AP3B1: variants seen among roughly 807,000 people sequenced by gnomAD.
AP3B1 encodes the protein AP-3 complex subunit beta-1.
A neutral mutation model predicts 132.5 loss-of-function variants in AP3B1; 61 were observed. The ratio of observed to expected loss-of-function variants is 0.46; its 90% CI spans 0.37 to 0.57. The LOEUF (loss-of-function observed/expected upper bound fraction) is 0.57, where lower values mean the gene tolerates loss of function less well. Among genes scored for constraint, AP3B1 ranks in the 20% least tolerant of loss-of-function variants. The pLI is 0.00. For missense variants in AP3B1, 1,120 were observed against 1,289.4 expected, an observed-to-expected ratio of 0.87 and a Z score of 2.01; for synonymous variants, 388 against 438.3, an observed-to-expected ratio of 0.89 and a Z score of 1.43.
chr5:78,152,892 C>G (rs1169225636), intron 14 of AP3B1, among the ~76,000 whole-genome samples: 1 of 152,070 alleles, frequency 6.6e-6, no homozygotes, highest in Non-Finnish European at 1.5e-5. Flanking sequence ...TTATTCCACT[C>G]TGGTCAGAGA....
At chr5:78,061,135 A>T (rs968391418) in intron 22 of AP3B1, among the ~76,000 whole-genome samples, 18 of 141,026 alleles carry the variant, frequency 1.3e-4, no homozygotes, top group Admixed American at 3.5e-4. Flanking sequence ...TCAAACATAG[A>T]AAAAAAAAAA....
intron 1 of AP3B1, among the ~76,000 whole-genome samples, chr5:78,276,998 A>C (rs965269644): frequency 3.3e-5 from 5 of 152,162 alleles, no homozygotes; most frequent in African/African-American, 4.8e-5. Context: ...ATTGAACTCA[A>C]AGTACAAGTA....
intron 22 of AP3B1, among the ~76,000 whole-genome samples, chr5:78,082,176 G>A (rs955086290): frequency 1.3e-5 from 2 of 152,046 alleles, no homozygotes; most frequent in African/African-American, 2.4e-5. Flanking sequence ...AAATGGAATA[G>A]GTGACATCAA....
chr5:78,154,699 A>T (rs535010725), intron 14 of AP3B1, among the ~76,000 whole-genome samples: 1 of 152,240 alleles, frequency 6.6e-6, no homozygotes, highest in South Asian at 2.1e-4. Context: ...CTTCAAGCTC[A>T]CTAATTCTTC....
chr5:78,282,790 C>T (rs538119417), intron 1 of AP3B1, among the ~76,000 whole-genome samples: 6 of 150,186 alleles, frequency 4.0e-5, no homozygotes, highest in South Asian at 4.2e-4. Flanking sequence ...GGCAGGAGGA[C>T]GGCTTGAGCC....
At chr5:78,238,913 C>T (rs1410032821) in intron 3 of AP3B1, among the ~76,000 whole-genome samples, 6 of 149,306 alleles carry the variant, frequency 4.0e-5, no homozygotes, top group Non-Finnish European at 5.9e-5. Context: ...TGCAACTATA[C>T]GCTGTCAACA....
chr5:78,164,939 A>G (rs777568697), intron 12 of AP3B1, among the ~76,000 whole-genome samples: 7 of 152,156 alleles, frequency 4.6e-5, no homozygotes, highest in Non-Finnish European at 5.9e-5. Context: ...TATTTTTGTT[A>G]AGAAAACAGA....
intron 7 of AP3B1, among the ~76,000 whole-genome samples, chr5:78,210,677 G>A (rs745399342): frequency 6.6e-6 from 1 of 152,018 alleles, no homozygotes; most frequent in Non-Finnish European, 1.5e-5. Flanking sequence ...TCATCTCCCA[G>A]AGAAAGTTCA....
intron 26 of AP3B1, among the ~76,000 whole-genome samples, chr5:78,003,827 T>C (rs1746281784): frequency 1.3e-5 from 2 of 152,214 alleles, no homozygotes; most frequent in African/African-American, 2.4e-5. Context: ...TTTTAAGCAC[T>C]GCAATTGACT....
chr5:78,153,414 T>A (rs1260199565), intron 14 of AP3B1, among the ~76,000 whole-genome samples: 6 of 151,160 alleles, frequency 4.0e-5, no homozygotes, highest in Admixed American at 2.6e-4. Flanking sequence ...TCTTTTTCCA[T>A]CCCTTTTTTT....
chr5:78,222,797 C>T (rs932202752), intron 6 of AP3B1, among the ~76,000 whole-genome samples: 2 of 151,830 alleles, frequency 1.3e-5, no homozygotes, highest in Non-Finnish European at 2.9e-5. Flanking sequence ...TTTTGATTTA[C>T]CATACATTAA....
At chr5:78,057,645 A>G (rs1230479665) in intron 22 of AP3B1, among the ~76,000 whole-genome samples, 2 of 152,100 alleles carry the variant, frequency 1.3e-5, no homozygotes, top group African/African-American at 2.4e-5. Context: ...CTTTTTGCCA[A>G]TCTTGCACAC....
intron 17 of AP3B1, among the ~76,000 whole-genome samples, chr5:78,116,501 A>C (rs916685719): frequency 6.6e-6 from 1 of 152,168 alleles, no homozygotes; most frequent in Non-Finnish European, 1.5e-5. Context: ...TTTGGCCCAC[A>C]GAAGATTTAA....
chr5:78,289,226 G>A (rs141548059), intron 1 of AP3B1, among the ~76,000 whole-genome samples: 17 of 152,230 alleles, frequency 1.1e-4, no homozygotes, highest in African/African-American at 3.6e-4. Context: ...CTATAATTGC[G>A]TACAAACCAC....
At chr5:78,215,206 ATC>A (rs1745907879) in intron 7 of AP3B1, among the ~76,000 whole-genome samples, 1 of 151,674 alleles carries the variant, frequency 6.6e-6, no homozygotes, top group Admixed American at 6.6e-5. Flanking sequence ...CTTTTTAAAA[ATC>A]TTTTTTTTTT....
chr5:78,239,066 AT>A (rs1285946710), intron 3 of AP3B1, among the ~76,000 whole-genome samples: 10 of 151,942 alleles, frequency 6.6e-5, no homozygotes, highest in Non-Finnish European at 8.8e-5. Context: ...AAAATAAAGG[AT>A]TTTTTTATAA....
At chr5:78,104,189 C>G (rs1408258002) in intron 20 of AP3B1, among the ~76,000 whole-genome samples, 3 of 152,092 alleles carry the variant, frequency 2.0e-5, no homozygotes, top group Admixed American at 6.5e-5. Context: ...GAATTATCAA[C>G]CAAAGATAAT....
intron 22 of AP3B1, among the ~76,000 whole-genome samples, chr5:78,052,224 C>T (rs1374776250): frequency 6.6e-6 from 1 of 151,910 alleles, no homozygotes; most frequent in Non-Finnish European, 1.5e-5. Context: ...CATTATAAAG[C>T]ACACAAGACT....
At chr5:78,213,086 A>T (rs1580494573) in intron 7 of AP3B1, among the ~76,000 whole-genome samples, 1 of 151,730 alleles carries the variant, frequency 6.6e-6, no homozygotes, top group South Asian at 2.1e-4. Flanking sequence ...TCACCGTGTT[A>T]GCCAGGATGG....
Sources: allele counts gnomAD v4.1 joint callset (sites outside exome capture counted in the v4.1 genomes callset), GRCh38; gene constraint gnomAD v4.1.1; transcripts MANE v1.5; gene names NCBI Gene and HGNC (gene_info 2026-07-23, HGNC 2026-07-21).